The following TTC27 variants were observed in gnomAD, a reference collection of about 807,000 sequenced individuals.
The protein encoded by TTC27 is tetratricopeptide repeat protein 27.
Under a neutral mutation model 115.9 loss-of-function variants are expected in TTC27, and 79 were observed. That is an observed-to-expected ratio of 0.68 (90% CI 0.57 to 0.82). TTC27 has a LOEUF of 0.82. Ranked by LOEUF, TTC27 falls within the 40% of genes least tolerant of loss-of-function variation. The pLI is 0.00. For missense variants in TTC27, 1,054 were observed against 993.1 expected, an observed-to-expected ratio of 1.06 and a Z score of -0.82; for synonymous variants, 401 against 356.0, an observed-to-expected ratio of 1.13 and a Z score of -1.42.
intron 10 of TTC27, among the ~76,000 whole-genome samples, chr2:32,723,747 C>CTTCCTTCCTTCCTTCCTTCCTTCT (rs1668014502): frequency 8.5e-6 from 1 of 117,736 alleles, no homozygotes; most frequent in Non-Finnish European, 1.7e-5. Flanking sequence ...TCCTTCCTTC[C>CTTCCTTCCTTCCTTCCTTCCTTCT]TTCCTTCCTT....
chr2:32,756,716 T>C (rs1253819301), intron 12 of TTC27, among the ~76,000 whole-genome samples: 1 of 152,260 alleles, frequency 6.6e-6, no homozygotes, highest in Non-Finnish European at 1.5e-5. Flanking sequence ...AAAGTCTCAT[T>C]TTAGCTGCTA....
chr2:32,704,729 A>C, intron 10 of TTC27: 4 of 381,744 alleles, frequency 1.0e-5, no homozygotes, highest in South Asian at 8.6e-5. Context: ...ATGCTTTTGA[A>C]GATTATGGGC....
chr2:32,655,343 C>T (rs529168801), intron 5 of TTC27, among the ~76,000 whole-genome samples: 28 of 152,140 alleles, frequency 1.8e-4, no homozygotes, highest in African/African-American at 6.0e-4. Flanking sequence ...TCAGAAGTCT[C>T]ATTATATTGC....
intron 13 of TTC27, among the ~76,000 whole-genome samples, chr2:32,771,910 A>T (rs7578836): frequency 2.0e-5 from 3 of 152,102 alleles, no homozygotes; most frequent in African/African-American, 7.2e-5. Context: ...CTTTAGGATT[A>T]GATTATTCTA....
chr2:32,664,227 T>C, intron 5 of TTC27, 76 bp from the exon 6 acceptor site: 1 of 1,275,634 alleles, frequency 7.8e-7, no homozygotes, highest in South Asian at 1.5e-5. Context: ...ACTTTATGTA[T>C]TATAGACTCT....
chr2:32,687,192 A>G (rs1666661997), intron 9 of TTC27, among the ~76,000 whole-genome samples: 1 of 152,192 alleles, frequency 6.6e-6, no homozygotes, highest in African/African-American at 2.4e-5. Context: ...AGGGTGAACA[A>G]GTGATCCTAT....
intron 16 of TTC27, among the ~76,000 whole-genome samples, chr2:32,790,703 C>T (rs1445408508): frequency 6.6e-6 from 1 of 152,094 alleles, no homozygotes; most frequent in Non-Finnish European, 1.5e-5. Context: ...CCAACAATTC[C>T]CCATTTCCTC....
intron 10 of TTC27, among the ~76,000 whole-genome samples, chr2:32,712,547 CT>C (rs537184771): frequency 1.3e-5 from 2 of 151,062 alleles, no homozygotes; most frequent in South Asian, 2.1e-4. Context: ...GATCTAAATT[CT>C]TTTTTTTTCT....
intron 9 of TTC27, among the ~76,000 whole-genome samples, chr2:32,699,935 T>C (rs561058943): frequency 6.6e-6 from 1 of 152,334 alleles, no homozygotes; most frequent in South Asian, 2.1e-4. Context: ...CTAAGGAAGA[T>C]ATTTCATCCC....
chr2:32,664,894 G>A (rs1025685495), intron 6 of TTC27, among the ~76,000 whole-genome samples: 7 of 151,112 alleles, frequency 4.6e-5, no homozygotes, highest in East Asian at 1.9e-4. Context: ...GTGCAGTGGC[G>A]TGATCTTGGC....
At chr2:32,643,509 T>G (rs1334388005) in intron 4 of TTC27, among the ~76,000 whole-genome samples, 1 of 151,908 alleles carries the variant, frequency 6.6e-6, no homozygotes, top group Non-Finnish European at 1.5e-5. Flanking sequence ...GATTTTACTA[T>G]GTTGGCCAAC....
At position 32,633,936 on chromosome 2, in the gene TTC27, G is replaced by C; in HGVS notation, c.327G>C (p.Trp109Cys). ...SSLQLFVQSN[W>C]TGPPVDLHPQ... is the part of the protein sequence containing the mutation. ...TGCAACTTTTTGTTCAGAGCAACTGGACGGGGCCCCCTGTTGACTTACACC... is the reference window on the plus strand; with the variant it reads ...TGCAACTTTTTGTTCAGAGCAACTGCACGGGGCCCCCTGTTGACTTACACC... Residue 109 changes from tryptophan to cysteine, a missense_variant, in exon 3 of 20, where the codon TGG becomes TGC. Trp to Cys is a radical substitution (Grantham distance 215). Coordinates refer to ENST00000317907, the MANE Select transcript of TTC27 (RefSeq NM_017735.5). 1.2e-6 allele frequency: 2 copies of C among 1,613,998 alleles called. No homozygotes were observed.
At chr2:32,777,531 A>G (rs1239811064) in intron 13 of TTC27, among the ~76,000 whole-genome samples, 2 of 152,260 alleles carry the variant, frequency 1.3e-5, no homozygotes, top group African/African-American at 4.8e-5. Context: ...CATGTTCAGT[A>G]GAGATGCAAC....
At chr2:32,802,895 CT>C in intron 16 of TTC27, among the ~76,000 whole-genome samples, 1 of 152,192 alleles carries the variant, frequency 6.6e-6, no homozygotes, top group Non-Finnish European at 1.5e-5. Context: ...GCACATGACC[CT>C]TTAACTCTTT....
intron 18 of TTC27, among the ~76,000 whole-genome samples, chr2:32,813,684 G>A (rs1671390518): frequency 6.6e-6 from 1 of 152,062 alleles, no homozygotes; most frequent in African/African-American, 2.4e-5. Flanking sequence ...TTAAGAACAA[G>A]GATAAAGTTT....
intron 10 of TTC27, among the ~76,000 whole-genome samples, chr2:32,723,689 C>CTCCTTCCT (rs1182021891): frequency 3.5e-5 from 3 of 86,286 alleles, no homozygotes; most frequent in African/African-American, 1.6e-4. Context: ...TTAGACTCAG[C>CTCCTTCCT]TCCTTCCTCC....
chr2:32,671,288 G>A (rs1398150149), intron 7 of TTC27, among the ~76,000 whole-genome samples: 3 of 60,318 alleles, frequency 5.0e-5, no homozygotes, highest in Non-Finnish European at 1.1e-4. Flanking sequence ...TAAACGTGAA[G>A]GGTCATTTTT....
intron 12 of TTC27, among the ~76,000 whole-genome samples, chr2:32,753,379 G>A (rs1669082768): frequency 7.0e-6 from 1 of 143,140 alleles, no homozygotes; most frequent in African/African-American, 2.5e-5. Context: ...AAAGCCAATA[G>A]AGAAAATAAA....
At position 32,758,819 on chromosome 2, in the gene TTC27, A is replaced by G. The variant is rs138353826; in HGVS notation, c.1680+300A>G. On this transcript the variant is annotated intron_variant, in intron 13 of 19. Transcript: ENST00000317907. ...AAATTAGGTCCAATTTTGAGCGGATATGTTAGGAAGAAAATGAACAAGAGC... is the reference window on the plus strand; with the variant it reads ...AAATTAGGTCCAATTTTGAGCGGATGTGTTAGGAAGAAAATGAACAAGAGC... Among the ~76,000 whole-genome samples the G allele has an allele frequency of 2.6e-4, 39 of 152,298 alleles. No homozygotes were observed. The East Asian group carries it at 6.5e-3, about 26-fold the overall frequency.
Sources: gnomAD v4.1 joint callset for allele counts (sites outside exome capture counted in the v4.1 genomes callset) on GRCh38, gnomAD v4.1.1 for gene constraint, MANE v1.5 for transcripts, NCBI Gene and HGNC (gene_info 2026-07-23, HGNC 2026-07-21) for gene names.